NAIP: variants seen among roughly 807,000 people sequenced by gnomAD.
NAIP encodes the protein NLR family apoptosis inhibitory protein, also known as baculoviral IAP repeat-containing protein 1.
Under a neutral mutation model 23.0 loss-of-function variants are expected in NAIP, and 15 were observed. That is an observed-to-expected ratio of 0.65 (90% CI 0.44 to 1.00). NAIP has a LOEUF of 1.00. NAIP is among the 50% of genes least tolerant of loss of function. NAIP has a pLI of 0.00. For missense variants in NAIP, 265 were observed against 278.8 expected, an observed-to-expected ratio of 0.95 and a Z score of 0.35; for synonymous variants, 100 against 100.2, an observed-to-expected ratio of 1.00 and a Z score of 0.01.
intron 5 of NAIP, among the ~76,000 whole-genome samples, chr5:71,010,275 CT>C (rs1230389082): frequency 1.6e-4 from 24 of 146,498 alleles, no homozygotes; most frequent in South Asian, 6.5e-4. Flanking sequence ...GCCTGGCTAA[CT>C]TTTTTTTTTT....
At chr5:71,012,974 G>T in intron 3 of NAIP, 56 bp from the exon 4 acceptor site, 1 of 1,395,178 alleles carries the variant, frequency 7.2e-7, no homozygotes, top group Non-Finnish European at 9.6e-7. Context: ...TCTTAGAAGA[G>T]CATTTCCCAC....
At position 71,012,418 on chromosome 5, in the gene NAIP, G is replaced by A; in HGVS notation, c.498C>T (p.Phe166=). The change falls in exon 4 of 17, where the codon TTC becomes TTT. Residue 166 remains phenylalanine (F), a synonymous_variant. Transcript: ENST00000517649. ...CTTGGACATAAAATGGCCAGTTCCT[G>A]AAGGACGCAAGTCTAGCCTCCTCTT... is the stretch of plus-strand genomic sequence containing the variant. ...YQEEEARLAS[F]RNWPFYVQGI... The A allele has an allele frequency of 6.2e-7, 1 of 1,611,728 alleles. No homozygotes were observed. The highest frequency in any genetic ancestry group is 8.5e-7 in the Non-Finnish European group (1 of 1,178,394).
intron 13 of NAIP, among the ~76,000 whole-genome samples, chr5:70,978,023 T>A (rs1580909534): frequency 9.0e-6 from 1 of 111,544 alleles, no homozygotes; most frequent in African/African-American, 2.9e-5. Context: ...ATAAAAGGAA[T>A]GACAACTCTG....
At position 71,012,547 on chromosome 5, in the gene NAIP, A is replaced by G. The variant is rs377203882; in HGVS notation, c.369T>C (p.Asp123=). 3.1e-6 allele frequency: 5 copies of G among 1,611,536 alleles called. No homozygotes were observed. Among genetic ancestry groups the G allele is most frequent in the African/African-American group, 1.3e-5 (1 of 74,642 alleles). The change falls in exon 4 of 17, where the codon GAT becomes GAC. Residue 123 remains aspartate (D), a synonymous_variant. Transcript: ENST00000517649. Reference sequence around the variant, plus strand: ...CATCCTTGTTCAAAAGGAACCCACAATCTGGATGAAACCTCTTGTGGTCTT... The same window carrying G: ...CATCCTTGTTCAAAAGGAACCCACAGTCTGGATGAAACCTCTTGTGGTCTT... ...PIEDHKRFHP[D]CGFLLNKDVG...
At position 70,977,059 on chromosome 5, in the gene NAIP, CT is replaced by C. The variant is rs1750274412; in HGVS notation, c.3443-2del. 2 of 207,942 alleles carry C rather than the reference CT, an allele frequency of 9.6e-6. No homozygotes were observed. Among genetic ancestry groups the C allele is most frequent in the Non-Finnish European group, 1.6e-5 (2 of 127,946 alleles). The allele number at this position is 207,942 out of a possible 1,614,324, so 12.9% of individuals were successfully genotyped here. On this transcript the variant is annotated splice_acceptor_variant, in intron 13 of 16. Transcript: ENST00000517649. LOFTEE classifies it high-confidence loss of function. ...TTTGGAGAATTTTGAATTAATTTTACTGTAAAAGATCAAGGATTTTCAGAAA... is the reference window on the plus strand; with the variant it reads ...TTTGGAGAATTTTGAATTAATTTTACGTAAAAGATCAAGGATTTTCAGAAA...
chr5:70,996,829 T>C (rs1471266114), intron 9 of NAIP, among the ~76,000 whole-genome samples: 1 of 108,212 alleles, frequency 9.2e-6, no homozygotes, highest in African/African-American at 3.2e-5. Context: ...CAGATGGCTA[T>C]AATTTTTTTA....
In NAIP at chr5:71,012,706, A is replaced by C; in HGVS notation, c.210T>G (p.Tyr70Ter). 6.2e-7 allele frequency: 1 copy of C among 1,611,866 alleles called. No homozygotes were observed. Among genetic ancestry groups the C allele is most frequent in the Non-Finnish European group, 8.5e-7 (1 of 1,178,446 alleles). ...EAKRLKTFVT[Y>*]EPYSSWIPQE... ...GTGGTATCCATGAGCTGTACGGCTC[A>C]TAAGTCACAAAAGTCTTTAACCTTT... The change falls in exon 4 of 17, where the codon TAT (tyrosine) becomes TAG (stop). Residue 70 changes from tyrosine to a stop codon, truncating the protein, a stop_gained. Transcript: ENST00000517649. LOFTEE classifies it high-confidence loss of function.
chr5:71,010,545 G>C (rs1340858603), intron 5 of NAIP, among the ~76,000 whole-genome samples: 1 of 151,458 alleles, frequency 6.6e-6, no homozygotes, highest in Non-Finnish European at 1.5e-5. Flanking sequence ...GGGATTACAG[G>C]TGTGAGCCAC....
chr5:71,011,820 G>A, intron 4 of NAIP: 1 of 421,710 alleles, frequency 2.4e-6, no homozygotes, highest in Non-Finnish European at 4.7e-6. Context: ...TAAATTCATT[G>A]GATAAGAATT....
intron 3 of NAIP, 150 bp from the exon 4 acceptor site, chr5:71,013,068 T>A: frequency 1.3e-6 from 1 of 769,568 alleles, no homozygotes; most frequent in Non-Finnish European, 2.0e-6. Flanking sequence ...GAAACATCAG[T>A]ATTCATCTAC....
intron 3 of NAIP, among the ~76,000 whole-genome samples, chr5:71,013,352 G>T (rs1751259578): frequency 6.6e-6 from 1 of 151,314 alleles, no homozygotes; most frequent in Non-Finnish European, 1.5e-5. Flanking sequence ...AAGTCTCGGT[G>T]CTCTGGCCGG....
chr5:71,011,189 TG>T lies in NAIP; in HGVS notation c.668+85del. On this transcript the variant is annotated intron_variant, in intron 5 of 16. Transcript: ENST00000517649. ...GAGAATTTGCACCGAGCTGAAGTCA[TG>T]CCACTATACTCCAGCCTGGGTGGCA... The T allele has an allele frequency of 3.0e-6, 3 of 996,540 alleles. No homozygotes were observed. In the African/African-American group the frequency reaches 4.9e-5, roughly 16 times the overall value. The allele number at this position is 996,540 out of a possible 1,614,324, so 61.7% of individuals were successfully genotyped here. A position where few individuals can be genotyped will look rare whatever the true frequency, so the allele number is the denominator to read the frequency against.
At chr5:71,012,298 C>A (rs368264672) in intron 4 of NAIP, 50 bp downstream of exon 4, 3 of 1,491,442 alleles carry the variant, frequency 2.0e-6, no homozygotes, top group Middle Eastern at 1.8e-4. Flanking sequence ...AAAAATAAAA[C>A]CTAAACTTAA....
At chr5:71,017,483 T>C (rs1269904766) in intron 3 of NAIP, among the ~76,000 whole-genome samples, 6 of 118,852 alleles carry the variant, frequency 5.0e-5, no homozygotes, top group African/African-American at 1.6e-4. Flanking sequence ...ACACCTGTAA[T>C]CCCAGCACTT....
intron 12 of NAIP, among the ~76,000 whole-genome samples, chr5:70,981,023 AT>A (rs1437524666): frequency 2.3e-5 from 3 of 132,030 alleles, no homozygotes; most frequent in Admixed American, 2.2e-4. Flanking sequence ...ATGAGCAAAC[AT>A]ATTTTTTCAA....
At chr5:70,996,838 T>A (rs1161716286) in intron 9 of NAIP, among the ~76,000 whole-genome samples, 4 of 109,816 alleles carry the variant, frequency 3.6e-5, no homozygotes, top group South Asian at 6.1e-4. Flanking sequence ...ATAATTTTTT[T>A]AAAAATAGAA....
At chr5:71,009,404 T>C (rs893595060) in intron 5 of NAIP, among the ~76,000 whole-genome samples, 4 of 146,424 alleles carry the variant, frequency 2.7e-5, no homozygotes, top group African/African-American at 5.1e-5. Context: ...AAACAACAAA[T>C]CTTGGTCAGG....
intron 3 of NAIP, among the ~76,000 whole-genome samples, chr5:71,014,838 G>T (rs1002636044): frequency 3.3e-5 from 5 of 151,546 alleles, no homozygotes; most frequent in Admixed American, 1.3e-4. Context: ...GGGAGGCAGA[G>T]GTTGCAGTGA....
intron 4 of NAIP, 80 bp from the exon 5 acceptor site, chr5:71,011,454 G>A: frequency 8.4e-7 from 1 of 1,195,256 alleles, no homozygotes; most frequent in Non-Finnish European, 1.2e-6. Context: ...TTTTGTTCAG[G>A]AGCAAGACAA....
Sources: allele counts gnomAD v4.1 joint callset (sites outside exome capture counted in the v4.1 genomes callset), GRCh38; gene constraint gnomAD v4.1.1; transcripts MANE v1.5; gene names NCBI Gene and HGNC (gene_info 2026-07-23, HGNC 2026-07-21).